TMCC1: variants seen among roughly 807,000 people sequenced by gnomAD.
TMCC1 encodes the protein transmembrane and coiled-coil domains protein 1.
TMCC1 carries 15 observed loss-of-function variants against 52.4 expected under a neutral mutation model. The ratio of observed to expected loss-of-function variants is 0.29; its 90% CI spans 0.19 to 0.44. The LOEUF (loss-of-function observed/expected upper bound fraction) is 0.44. TMCC1 is among the 20% of genes least tolerant of loss of function. The pLI is 1.00. For synonymous variants in TMCC1, 279 were observed against 301.9 expected (o/e 0.92, Z 0.79); for missense variants, 503 against 806.0 (o/e 0.62, Z 4.55).
intron 4 of TMCC1, among the ~76,000 whole-genome samples, chr3:129,734,708 T>C (rs1345556840): frequency 6.6e-6 from 1 of 151,986 alleles, no homozygotes; most frequent in Non-Finnish European, 1.5e-5. Context: ...ATAAAACACA[T>C]ATGTTAATGA....
At chr3:129,815,147 T>C (rs1226392552) in intron 4 of TMCC1, among the ~76,000 whole-genome samples, 1 of 152,016 alleles carries the variant, frequency 6.6e-6, no homozygotes, top group East Asian at 1.9e-4. Context: ...GAAGAGACCA[T>C]ATCTTAAACA....
chr3:129,699,777 A>C (rs2047682414), intron 4 of TMCC1, among the ~76,000 whole-genome samples: 1 of 152,098 alleles, frequency 6.6e-6, no homozygotes, highest in South Asian at 2.1e-4. Flanking sequence ...ACAACAGCAA[A>C]AATTAGCAGG....
intron 4 of TMCC1, among the ~76,000 whole-genome samples, chr3:129,743,747 A>G (rs1390188925): frequency 1.3e-5 from 2 of 152,214 alleles, no homozygotes; most frequent in African/African-American, 4.8e-5. Context: ...TATCTGCAAA[A>G]TGCCCATTCC....
chr3:129,728,967 T>C (rs763829776), intron 4 of TMCC1, among the ~76,000 whole-genome samples: 2 of 152,202 alleles, frequency 1.3e-5, no homozygotes, highest in African/African-American at 2.4e-5. Context: ...CATTCACCTG[T>C]TGAAGGACAT....
intron 5 of TMCC1, among the ~76,000 whole-genome samples, chr3:129,668,621 G>A (rs1171431128): frequency 6.6e-6 from 1 of 152,156 alleles, no homozygotes; most frequent in Non-Finnish European, 1.5e-5. Flanking sequence ...GTATACTTAA[G>A]AATTTATTTT....
chr3:129,837,587 C>T (rs1028330387), intron 2 of TMCC1, among the ~76,000 whole-genome samples: 22 of 152,160 alleles, frequency 1.4e-4, no homozygotes, highest in Non-Finnish European at 2.4e-4. Flanking sequence ...CTCAGTATCT[C>T]CTGTCATATA....
chr3:129,752,681 CAA>C (rs919786164), intron 4 of TMCC1, among the ~76,000 whole-genome samples: 3 of 151,762 alleles, frequency 2.0e-5, no homozygotes, highest in African/African-American at 7.3e-5. Context: ...CACACACACA[CAA>C]AAACTAATAC....
intron 4 of TMCC1, among the ~76,000 whole-genome samples, chr3:129,705,898 T>C (rs1576516318): frequency 2.4e-4 from 1 of 4,226 alleles, no homozygotes. Context: ...GGCCTTTTTT[T>C]CTTTTTTTTT....
chr3:129,882,802 T>C (rs1429018217), intron 1 of TMCC1, among the ~76,000 whole-genome samples: 3 of 152,256 alleles, frequency 2.0e-5, no homozygotes, highest in Middle Eastern at 3.4e-3. Context: ...ATTCCACTTA[T>C]ATGAGGTACC....
At chr3:129,813,208 C>T (rs1164411759) in intron 4 of TMCC1, among the ~76,000 whole-genome samples, 1 of 152,160 alleles carries the variant, frequency 6.6e-6, no homozygotes, top group Admixed American at 6.5e-5. Context: ...TACACACTGC[C>T]AGTAGGAATG....
At chr3:129,812,880 C>A (rs2057899733) in intron 4 of TMCC1, among the ~76,000 whole-genome samples, 1 of 152,080 alleles carries the variant, frequency 6.6e-6, no homozygotes, top group African/African-American at 2.4e-5. Context: ...AAAGAGTAAA[C>A]AGCCTACAGA....
intron 4 of TMCC1, among the ~76,000 whole-genome samples, chr3:129,690,342 G>GT (rs761358666): frequency 1.3e-5 from 2 of 151,838 alleles, no homozygotes; most frequent in African/African-American, 2.4e-5. Context: ...ATAAAATCTA[G>GT]TAAGTTATTA....
At chr3:129,771,797 A>G (rs9849037) in intron 4 of TMCC1, among the ~76,000 whole-genome samples, 13,160 of 87,538 alleles carry the variant, frequency 0.15, 2,170 homozygotes, top group African/African-American at 0.39. Flanking sequence ...AAAAAAAAAA[A>G]AAGAAGAAGA....
chr3:129,822,076 T>C (rs1302689444), intron 4 of TMCC1, among the ~76,000 whole-genome samples: 3 of 151,874 alleles, frequency 2.0e-5, no homozygotes, highest in African/African-American at 7.3e-5. Flanking sequence ...TATAAATACA[T>C]ATATTTATAT....
chr3:129,666,257 G>GA (rs2108875166), intron 5 of TMCC1, among the ~76,000 whole-genome samples: 1 of 152,212 alleles, frequency 6.6e-6, no homozygotes, highest in South Asian at 2.1e-4. Context: ...CAGACAAACT[G>GA]AAAAAAGCCT....
intron 5 of TMCC1, among the ~76,000 whole-genome samples, chr3:129,668,715 T>G (rs2087670530): frequency 6.6e-6 from 1 of 152,224 alleles, no homozygotes; most frequent in Admixed American, 6.5e-5. Context: ...AACCTCTGCC[T>G]CCTGGGTTCA....
chr3:129,768,863 T>C (rs2054326812), intron 4 of TMCC1, among the ~76,000 whole-genome samples: 1 of 152,176 alleles, frequency 6.6e-6, no homozygotes, highest in Non-Finnish European at 1.5e-5. Context: ...AGAGCTGTAG[T>C]ATGACCTCCC....
At chr3:129,849,250 G>A (rs1056698786) in intron 2 of TMCC1, among the ~76,000 whole-genome samples, 1 of 152,108 alleles carries the variant, frequency 6.6e-6, no homozygotes, top group Non-Finnish European at 1.5e-5. Flanking sequence ...ATCACCTGAG[G>A]TCAGGAGTTC....
chr3:129,841,277 A>G (rs1315487656), intron 2 of TMCC1, among the ~76,000 whole-genome samples: 1 of 152,198 alleles, frequency 6.6e-6, no homozygotes, highest in East Asian at 1.9e-4. Flanking sequence ...TCAAGATGTG[A>G]CCTGGCTTTT....
Sources: gnomAD v4.1 joint callset for allele counts (sites outside exome capture counted in the v4.1 genomes callset) on GRCh38, gnomAD v4.1.1 for gene constraint, MANE v1.5 for transcripts, NCBI Gene and HGNC (gene_info 2026-07-23, HGNC 2026-07-21) for gene names.